TBC1D14: variants seen among roughly 807,000 people sequenced by gnomAD.
TBC1D14 encodes the protein TBC1 domain family, member 14.
In TBC1D14, 26 loss-of-function variants were observed where a neutral mutation model predicts 79.0. That is an observed-to-expected ratio of 0.33 (90% CI 0.24 to 0.46). The LOEUF (loss-of-function observed/expected upper bound fraction) is 0.46. Among genes scored for constraint, TBC1D14 ranks in the 20% least tolerant of loss-of-function variants. TBC1D14 has a pLI of 1.00. For synonymous variants in TBC1D14, 394 were observed against 349.9 expected, an observed-to-expected ratio of 1.13 and a Z score of -1.40; for missense variants, 769 against 887.6, an observed-to-expected ratio of 0.87 and a Z score of 1.70.
chr4:6,996,105 G>A (rs532929385), intron 4 of TBC1D14, among the ~76,000 whole-genome samples: 1 of 152,192 alleles, frequency 6.6e-6, no homozygotes, highest in African/African-American at 2.4e-5. Flanking sequence ...CAAAGTGCTG[G>A]GATTGCAGGC....
intron 3 of TBC1D14, among the ~76,000 whole-genome samples, chr4:6,977,732 CCGCCA>C (rs1716896921): frequency 3.0e-5 from 2 of 66,448 alleles, no homozygotes; most frequent in Non-Finnish European, 7.1e-5. Context: ...CTCTGCCAGG[CCGCCA>C]TCCCATCTAG....
chr4:7,009,972 T>G, intron 10 of TBC1D14, 24 bp downstream of exon 10: 1 of 1,612,858 alleles, frequency 6.2e-7, no homozygotes, highest in Non-Finnish European at 8.5e-7. Context: ...CTCAGTATTT[T>G]ATAATGTTGT....
intron 3 of TBC1D14, among the ~76,000 whole-genome samples, chr4:6,975,492 T>C (rs1472597152): frequency 1.3e-5 from 2 of 152,152 alleles, no homozygotes; most frequent in African/African-American, 4.8e-5. Context: ...ATTACAGGTG[T>C]GAGCCACTGC....
intron 10 of TBC1D14, 141 bp downstream of exon 10, chr4:7,010,089 T>A: frequency 1.2e-6 from 1 of 869,082 alleles, no homozygotes; most frequent in Non-Finnish European, 1.9e-6. Context: ...GTAAGTGAGT[T>A]AAGTGAGTTG....
chr4:7,024,838 C>T (rs545294652), intron 12 of TBC1D14, among the ~76,000 whole-genome samples, 166 bp from the exon 13 acceptor site: 1 of 152,302 alleles, frequency 6.6e-6, no homozygotes, highest in South Asian at 2.1e-4. Flanking sequence ...GTGTCCTGAG[C>T]GATGTTAGAA....
intron 13 of TBC1D14, among the ~76,000 whole-genome samples, chr4:7,029,597 C>T (rs187601750): frequency 1.3e-5 from 2 of 152,272 alleles, no homozygotes; most frequent in East Asian, 1.9e-4. Context: ...GAGGCCAAGG[C>T]GGGCGTATCA....
chr4:6,954,769 T>A (rs954868156), intron 2 of TBC1D14, among the ~76,000 whole-genome samples: 2 of 152,144 alleles, frequency 1.3e-5, no homozygotes, highest in Non-Finnish European at 1.5e-5. Context: ...CCTGGCTAAT[T>A]TTTGTATTTT....
chr4:7,024,932 G>C (rs1722196823), intron 12 of TBC1D14, 72 bp from the exon 13 acceptor site: 3 of 1,580,582 alleles, frequency 1.9e-6, no homozygotes, highest in Non-Finnish European at 2.6e-6. Context: ...CATGGAATCA[G>C]ACTGGAATTC....
chr4:6,983,912 A>G (rs190980573), intron 3 of TBC1D14, among the ~76,000 whole-genome samples: 10 of 152,348 alleles, frequency 6.6e-5, no homozygotes, highest in Admixed American at 5.9e-4. Context: ...TGTGGAAGTG[A>G]TAAGTTTCCG....
At chr4:7,022,522 T>C (rs1721930155) in intron 12 of TBC1D14, among the ~76,000 whole-genome samples, 1 of 151,932 alleles carries the variant, frequency 6.6e-6, no homozygotes, top group South Asian at 2.1e-4. Flanking sequence ...TTCCAAGAAA[T>C]AGTGACACAC....
intron 3 of TBC1D14, among the ~76,000 whole-genome samples, chr4:6,977,487 G>C (rs1716859926): frequency 6.8e-6 from 1 of 148,064 alleles, no homozygotes; most frequent in Non-Finnish European, 1.5e-5. Flanking sequence ...CCACCTCCCA[G>C]CTGCCTGCCT....
At chr4:7,003,889 A>C (rs1409371459) in intron 7 of TBC1D14, among the ~76,000 whole-genome samples, 1 of 151,806 alleles carries the variant, frequency 6.6e-6, no homozygotes, top group Non-Finnish European at 1.5e-5. Flanking sequence ...CTGTAATCCC[A>C]CCTATTCAGG....
intron 2 of TBC1D14, among the ~76,000 whole-genome samples, chr4:6,940,535 G>C (rs1712805035): frequency 6.6e-6 from 1 of 152,172 alleles, no homozygotes; most frequent in African/African-American, 2.4e-5. Context: ...AGCCTTGCTG[G>C]GGTTGAGGTT....
chr4:6,978,116 T>G (rs1176958157), intron 3 of TBC1D14, among the ~76,000 whole-genome samples: 1 of 138,948 alleles, frequency 7.2e-6, no homozygotes, highest in Non-Finnish European at 1.5e-5. Flanking sequence ...GGGAGGGAGG[T>G]GGGGGGGTCA....
At chr4:6,984,226 C>G (rs1717625130) in intron 3 of TBC1D14, among the ~76,000 whole-genome samples, 1 of 152,162 alleles carries the variant, frequency 6.6e-6, no homozygotes, top group African/African-American at 2.4e-5. Context: ...ATGTCTTTGT[C>G]TCTCTGAGCC....
chr4:7,020,960 C>T (rs573110987), intron 12 of TBC1D14, among the ~76,000 whole-genome samples: 2 of 152,340 alleles, frequency 1.3e-5, no homozygotes, highest in African/African-American at 4.8e-5. Flanking sequence ...TGAACAGTCC[C>T]TGTAAAAATG....
chr4:7,000,926 G>A (rs772570822), intron 6 of TBC1D14, among the ~76,000 whole-genome samples: 10 of 152,198 alleles, frequency 6.6e-5, no homozygotes, highest in Admixed American at 2.6e-4. Context: ...GGTGACCTAC[G>A]CTATGCTGTG....
At chr4:7,018,853 C>T (rs1721532969) in intron 12 of TBC1D14, among the ~76,000 whole-genome samples, 1 of 152,210 alleles carries the variant, frequency 6.6e-6, no homozygotes, top group Non-Finnish European at 1.5e-5. Flanking sequence ...AAAATATTTC[C>T]CATTGCCGGC....
At position 6,944,885 on chromosome 4, in the gene TBC1D14, G is replaced by C. The variant is rs556458021; in HGVS notation, c.722+20774G>C. Among the ~76,000 whole-genome samples the C allele has an allele frequency of 4.1e-4, 62 of 152,208 alleles. No individual in the cohort carries two copies. In the South Asian group the frequency reaches 0.012, roughly 30 times the overall value. ...TTCCGGGCATGCGTGCTCCTCTCCC[G>C]TCTCCTCTGCAGCTTCCTTTTAGTC... On this transcript the variant is annotated intron_variant, in intron 2 of 13. Transcript: ENST00000409757.
Sources: allele counts gnomAD v4.1 joint callset (sites outside exome capture counted in the v4.1 genomes callset), GRCh38; gene constraint gnomAD v4.1.1; transcripts MANE v1.5; gene names NCBI Gene and HGNC (gene_info 2026-07-23, HGNC 2026-07-21).